Variants in MYO18B observed in about 807,000 individuals in gnomAD.
MYO18B encodes unconventional myosin-XVIIIb.
In MYO18B, 204 loss-of-function variants were observed where a neutral mutation model predicts 273.0. That is an observed-to-expected ratio of 0.75 (90% CI 0.67 to 0.84). MYO18B has a LOEUF of 0.84. Among genes scored for constraint, MYO18B ranks in the 40% least tolerant of loss-of-function variants. The pLI, the probability that MYO18B is intolerant of heterozygous loss-of-function variation, is 0.00. For missense variants in MYO18B, 3,212 were observed against 3,287.6 expected, an observed-to-expected ratio of 0.98 and a Z score of 0.56; for synonymous variants, 1,330 against 1,305.7, an observed-to-expected ratio of 1.02 and a Z score of -0.40.
intron 19 of MYO18B, 144 bp from the exon 20 acceptor site, chr22:25,847,286 G>C: frequency 1.6e-6 from 1 of 636,406 alleles, no homozygotes; most frequent in East Asian, 2.7e-5. Context: ...GCACAAATCA[G>C]GCTGTAGGTG....
chr22:25,899,880 C>G (rs982927323), intron 29 of MYO18B: 1 of 152,110 alleles, frequency 6.6e-6, no homozygotes, highest in Admixed American at 6.5e-5. Context: ...GACATATACC[C>G]CTGTCTGTGA....
In MYO18B at chr22:25,898,284, AATTC is replaced by A; in HGVS notation, c.4669-18_4669-15del. 6.2e-7 allele frequency: 1 copy of A among 1,606,074 alleles called. No homozygotes were observed. Among genetic ancestry groups the A allele is most frequent in the Non-Finnish European group, 8.5e-7 (1 of 1,177,178 alleles). On this transcript the variant is annotated intron_variant, in intron 28 of 43. Transcript: ENST00000335473. ...TCGTTCCATGCCCACAGAGCCGGGT[AATTC>A]ATTCTATTACTCTTACAGCTTGGGG...
chr22:25,919,049 C>G (rs564069882), intron 33 of MYO18B, among the ~76,000 whole-genome samples: 2 of 152,304 alleles, frequency 1.3e-5, no homozygotes, highest in South Asian at 2.1e-4. Context: ...ACCTGCCCCT[C>G]AACTCGGGGT....
At chr22:25,982,337 G>A (rs1601748743) in intron 39 of MYO18B, among the ~76,000 whole-genome samples, 1 of 152,226 alleles carries the variant, frequency 6.6e-6, no homozygotes, top group Admixed American at 6.5e-5. Context: ...CTGCTTGGAA[G>A]GGGACCCTCC....
chr22:25,897,370 C>T (rs561043543), intron 28 of MYO18B: 1 of 152,202 alleles, frequency 6.6e-6, no homozygotes, highest in Non-Finnish European at 1.5e-5. Context: ...TTGATATCCT[C>T]TATGCTGATG....
rs903668168 is a variant in MYO18B at position 26,007,229 on chromosome 22, A to G, written c.6470+2374A>G. ...AGGGCTGGCTCACAGTTGGTGCTCA[A>G]TAAATGTTTGTTGAATGAATAACTG... On this transcript the variant is annotated intron_variant, in intron 42 of 43. Coordinates refer to ENST00000335473, the MANE Select transcript of MYO18B (RefSeq NM_032608.7). Among the ~76,000 whole-genome samples, 7 of 152,288 alleles carry G rather than the reference A, an allele frequency of 4.6e-5. No homozygotes were observed. The South Asian group carries it at 6.2e-4, about 14-fold the overall frequency.
intron 7 of MYO18B, among the ~76,000 whole-genome samples, chr22:25,773,362 A>T (rs1048371552): frequency 3.9e-5 from 6 of 152,148 alleles, no homozygotes; most frequent in Non-Finnish European, 8.8e-5. Context: ...GTGGAGGAAG[A>T]GGTGGGAGAG....
chr22:25,843,815 G>T lies in MYO18B; in HGVS notation c.3289G>T (p.Asp1097Tyr), dbSNP rs753957467. The change falls in exon 18 of 44, where the codon GAC (aspartate) becomes TAC (tyrosine). Residue 1097 changes from aspartate to tyrosine, a missense_variant. Coordinates refer to ENST00000335473, the MANE Select transcript of MYO18B (RefSeq NM_032608.7). ...GTTGGGATGGGACCCTGTGCGGTAC[G>T]ACCTCACGGGCTGGCTCCACAGAGC... Reference protein sequence around the residue: ...HQLGWDPVRYDLTGWLHRAKP... With the variant: ...HQLGWDPVRYYLTGWLHRAKP... The T allele has an allele frequency of 8.7e-6, 14 of 1,613,690 alleles. No homozygotes were observed. Among genetic ancestry groups the T allele is most frequent in the Non-Finnish European group, 1.2e-5 (14 of 1,179,768 alleles).
In MYO18B at chr22:25,868,692, C is replaced by T. The variant is rs377761065; in HGVS notation, c.3951+307C>T. On this transcript the variant is annotated intron_variant, in intron 22 of 43. Coordinates refer to ENST00000335473, the MANE Select transcript of MYO18B (RefSeq NM_032608.7). ...ACCTTCTGAGTCTCAGAAAGAGCTGCCATAAAACCTGAGAAGAACTGCTCA... is the reference window on the plus strand; with the variant it reads ...ACCTTCTGAGTCTCAGAAAGAGCTGTCATAAAACCTGAGAAGAACTGCTCA... Among the ~76,000 whole-genome samples the T allele has an allele frequency of 2.2e-3, 328 of 152,274 alleles. 18 individuals carry two copies. The South Asian group carries it at 0.067, about 31-fold the overall frequency.
At position 25,874,415 on chromosome 22, in the gene MYO18B, G is replaced by T. The variant is rs375953112; in HGVS notation, c.4080+1G>T. 5 of 1,612,766 alleles carry T rather than the reference G, an allele frequency of 3.1e-6. No individual in the cohort carries two copies. Among genetic ancestry groups the T allele is most frequent in the Non-Finnish European group, 4.2e-6 (5 of 1,179,368 alleles). ...TCGCCAGGAATTCAAGAAGCTGAAG[G>T]TACTGCATGCCGTTCCCATGAGGAG... On this transcript the variant is annotated splice_donor_variant, in intron 23 of 43. Coordinates refer to ENST00000335473, the MANE Select transcript of MYO18B (RefSeq NM_032608.7). LOFTEE classifies it high-confidence loss of function.
chr22:25,776,080 ATC>A (rs2086904079), intron 7 of MYO18B, among the ~76,000 whole-genome samples: 1 of 152,164 alleles, frequency 6.6e-6, no homozygotes, highest in African/African-American at 2.4e-5. Flanking sequence ...GTAGCCACTG[ATC>A]TGTTTTTTTG....
chr22:25,967,287 G>A (rs1269020196), intron 39 of MYO18B, among the ~76,000 whole-genome samples: 1 of 152,184 alleles, frequency 6.6e-6, no homozygotes, highest in East Asian at 1.9e-4. Context: ...AATTTATATT[G>A]TTTAGATGAG....
chr22:25,874,388 T>C lies in MYO18B; in HGVS notation c.4054T>C (p.Ser1352Pro). Residue 1352 changes from serine to proline, a missense_variant, in exon 23 of 44, where the codon TCT becomes CCT. Physicochemically the swap from Ser to Pro is moderately conservative, Grantham distance 74. Coordinates refer to ENST00000335473, the MANE Select transcript of MYO18B (RefSeq NM_032608.7). ...CCAGGCGGCTTGCAAGGGCTTTCTG[T>C]CTCGCCAGGAATTCAAGAAGCTGAA... ...LFQAACKGFL[S>P]RQEFKKLKIR... The C allele has an allele frequency of 6.2e-7, 1 of 1,613,876 alleles. No homozygotes were observed. The highest frequency in any genetic ancestry group is 8.5e-7 in the Non-Finnish European group (1 of 1,179,836).
Position 26,027,204 on chromosome 22 carries a change from G to C in MYO18B, c.7230G>C (p.Gln2410His). The C allele has an allele frequency of 6.2e-7, 1 of 1,613,958 alleles. No individual in the cohort carries two copies. Among genetic ancestry groups the C allele is most frequent in the Non-Finnish European group, 8.5e-7 (1 of 1,179,878 alleles). ...GKEPLVFQNR[Q>H]FAHLMEEPLG... is the part of the protein sequence containing the mutation. ...AGCCGCTTGTTTTCCAGAACCGCCA[G>C]TTTGCCCACCTGATGGAGGAACCTC... Residue 2410 changes from glutamine to histidine, a missense_variant, in exon 43 of 44, where the codon CAG becomes CAC. Gln to His is a conservative substitution (Grantham distance 24). Transcript: ENST00000335473. This position sits in a 1 kb window ranked among gnomAD's most constrained non-coding sequence, Gnocchi z 4.1.
intron 31 of MYO18B, among the ~76,000 whole-genome samples, chr22:25,905,666 A>C (rs2092028469): frequency 6.6e-6 from 1 of 152,206 alleles, no homozygotes; most frequent in South Asian, 2.1e-4. Context: ...AAGGAGCTGT[A>C]ATACGGGGTC....
At chr22:26,016,462 A>T (rs1448777123) in intron 42 of MYO18B, among the ~76,000 whole-genome samples, 1 of 152,198 alleles carries the variant, frequency 6.6e-6, no homozygotes, top group Admixed American at 6.5e-5. Context: ...TGGTGTTAGA[A>T]ATATGGAGAA....
chr22:25,785,888 T>C (rs1426229736), intron 11 of MYO18B, among the ~76,000 whole-genome samples: 1 of 152,130 alleles, frequency 6.6e-6, no homozygotes, highest in Non-Finnish European at 1.5e-5. Flanking sequence ...ACATGATGTG[T>C]ATAACGTGCT....
intron 39 of MYO18B, among the ~76,000 whole-genome samples, chr22:25,970,917 CAAAAG>C (rs894549591): frequency 2.0e-5 from 3 of 152,138 alleles, no homozygotes; most frequent in Non-Finnish European, 4.4e-5. Flanking sequence ...TTTCAGCAAA[CAAAAG>C]GAAAGGAACT....
chr22:25,998,502 G>C (rs1933583567), intron 40 of MYO18B, among the ~76,000 whole-genome samples: 1 of 152,162 alleles, frequency 6.6e-6, no homozygotes, highest in African/African-American at 2.4e-5. Context: ...TTGCTTTGTT[G>C]AGTGTAAGTT....
Sources: allele counts gnomAD v4.1 joint callset (sites outside exome capture counted in the v4.1 genomes callset), GRCh38; gene constraint gnomAD v4.1.1; non-coding constraint Gnocchi (gnomAD v3.1); transcripts MANE v1.5; gene names NCBI Gene and HGNC (gene_info 2026-07-23, HGNC 2026-07-21).